Variants in PLEKHM1 observed in about 807,000 individuals in gnomAD.
PLEKHM1 encodes the protein pleckstrin homology domain-containing family M member 1.
In PLEKHM1, 28 loss-of-function variants were observed where a neutral mutation model predicts 94.3. The ratio of observed to expected loss-of-function variants is 0.30; its 90% confidence interval spans 0.22 to 0.41. The LOEUF (loss-of-function observed/expected upper bound fraction) is 0.41. PLEKHM1 is among the 10% of genes least tolerant of loss of function. The pLI is 1.00. For missense variants in PLEKHM1, 907 were observed against 1,358.6 expected (o/e 0.67, Z 5.22); for synonymous variants, 424 against 581.2 (o/e 0.73, Z 3.89).
Position 45,439,515 on chromosome 17 carries a change from G to A in PLEKHM1, c.3021C>T (p.His1007=), listed in dbSNP as rs200462947. 34 of 1,614,130 alleles carry A rather than the reference G, an allele frequency of 2.1e-5. No individual in the cohort carries two copies. The highest frequency in any genetic ancestry group is 2.7e-5 in the African/African-American group (2 of 74,950). ...CAAACTCAAAGGGGAAGATGATGTCGTGGTGCTGGCAGATCTGGCAGATGA... is the reference window on the plus strand; with the variant it reads ...CAAACTCAAAGGGGAAGATGATGTCATGGTGCTGGCAGATCTGGCAGATGA... ...RGFICQICQH[H]DIIFPFEFDT... Residue 1007 remains histidine, a synonymous_variant, in exon 11 of 12, where the codon CAC becomes CAT. Coordinates refer to ENST00000430334, the MANE Select transcript of PLEKHM1 (RefSeq NM_014798.3).
chr17:45,439,551 G>T lies in PLEKHM1; in HGVS notation c.2985C>A (p.Thr995=), dbSNP rs761390093. 41 of 1,614,078 alleles carry T rather than the reference G, an allele frequency of 2.5e-5. No individual in the cohort carries two copies. In the Admixed American group the frequency reaches 6.7e-4, roughly 26 times the overall value. ...SQHVYHCDLC[T]QRGFICQICQ... ...AGATCTGGCAGATGAAGCCGCGCTGGGTGCACAGGTCGCAGTGGTAGACAT... is the reference window on the plus strand; with the variant it reads ...AGATCTGGCAGATGAAGCCGCGCTGTGTGCACAGGTCGCAGTGGTAGACAT... The change falls in exon 11 of 12, where the codon ACC becomes ACA. Residue 995 remains threonine (T), a synonymous_variant. Coordinates refer to ENST00000430334, the MANE Select transcript of PLEKHM1 (RefSeq NM_014798.3).
At chr17:45,467,696 G>A (rs985514621) in intron 5 of PLEKHM1, among the ~76,000 whole-genome samples, 7 of 152,176 alleles carry the variant, frequency 4.6e-5, no homozygotes, top group African/African-American at 1.7e-4. Flanking sequence ...AGGAGGCGAA[G>A]GTGGCAGTGA....
rs2050554433 is a variant in PLEKHM1 at position 45,444,875 on chromosome 17, C to T, written c.2837+595G>A. On this transcript the variant is annotated intron_variant, in intron 9 of 11. Coordinates refer to ENST00000430334, the MANE Select transcript of PLEKHM1 (RefSeq NM_014798.3). This position sits in a 1 kb window ranked among gnomAD's most constrained non-coding sequence, Gnocchi z 5.0. ...ACGTCCTGCCTCTCACCCTCACCCC[C>T]AGATGGAGTTGCTGGCTTTCCCACC... Among the ~76,000 whole-genome samples the T allele has an allele frequency of 2.0e-5, 3 of 152,144 alleles. No individual in the cohort carries two copies. The highest frequency in any genetic ancestry group is 2.0e-4 in the Admixed American group (3 of 15,280).
intron 4 of PLEKHM1, among the ~76,000 whole-genome samples, chr17:45,474,054 A>AT: frequency 6.7e-6 from 1 of 148,272 alleles, no homozygotes; most frequent in African/African-American, 2.5e-5. Context: ...TATTTTATTT[A>AT]TTTATTTATT....
intron 4 of PLEKHM1, among the ~76,000 whole-genome samples, chr17:45,474,537 G>A (rs981911959): frequency 2.8e-4 from 43 of 152,110 alleles, no homozygotes; most frequent in African/African-American, 1.0e-3. Context: ...ACACTCTTAT[G>A]CGTTATGTTT....
In PLEKHM1 at chr17:45,479,016, CT is replaced by C. The variant is rs1348727749; in HGVS notation, c.49-870del. On this transcript the variant is annotated intron_variant, in intron 2 of 11. Coordinates refer to ENST00000430334, the MANE Select transcript of PLEKHM1 (RefSeq NM_014798.3). ...AGGATTCTCCTGAGGACAGGACTAC[CT>C]TTTTTTTTCTTTTTTTTTTTGGGAA... Among the ~76,000 whole-genome samples the C allele has an allele frequency of 6.2e-3, 64 of 10,376 alleles. 1 individual carries two copies. The highest frequency in any genetic ancestry group is 0.01 in the African/African-American group (62 of 6,004). The allele number at this position is 10,376 out of a possible 152,430, so 6.8% of individuals were successfully genotyped here.
In PLEKHM1 at chr17:45,468,204, C is replaced by T; in HGVS notation, c.1308+5G>A. On this transcript the variant is annotated splice_donor_5th_base_variant and intron_variant, in intron 5 of 11. Transcript: ENST00000430334. Reference sequence around the variant, plus strand: ...ACTGCCCCCTGAACGGCTTGCACCACTCACCGGACTGGTGGGTGAGGAAAC... The same window carrying T: ...ACTGCCCCCTGAACGGCTTGCACCATTCACCGGACTGGTGGGTGAGGAAAC... 1 of 1,612,948 alleles carries T rather than the reference C, an allele frequency of 6.2e-7. No individual in the cohort carries two copies. Among genetic ancestry groups the T allele is most frequent in the Non-Finnish European group, 8.5e-7 (1 of 1,179,844 alleles).
chr17:45,436,083 G>C lies in PLEKHM1; in HGVS notation c.*1775C>G, dbSNP rs1469396839. 2.2e-6 allele frequency: 1 copy of C among 456,586 alleles called. No homozygotes were observed. The highest frequency in any genetic ancestry group is 4.4e-6 in the Non-Finnish European group (1 of 226,988). The allele number at this position is 456,586 out of a possible 1,614,324, so 28.3% of individuals were successfully genotyped here. A position where few individuals can be genotyped will look rare whatever the true frequency, so the allele number is the denominator to read the frequency against. On this transcript the variant is annotated 3_prime_UTR_variant, in exon 12 of 12. Coordinates refer to ENST00000430334, the MANE Select transcript of PLEKHM1 (RefSeq NM_014798.3). ...TTCTGAGGGAGGGGAGGCGGGAAGA[G>C]TCAATGCATCTGAAAGCACTGGCAG... is the stretch of plus-strand genomic sequence containing the variant.
chr17:45,479,934 G>T (rs1180745370), intron 2 of PLEKHM1, among the ~76,000 whole-genome samples: 1 of 152,180 alleles, frequency 6.6e-6, no homozygotes, highest in Non-Finnish European at 1.5e-5. Flanking sequence ...GATTGGAAAA[G>T]GACTGGAAGG....
rs1429335881 is a variant in PLEKHM1, at chr17:45,436,817, C to G, written c.*1041G>C. The stretch of plus-strand genomic sequence containing the variant: ...TCCACAGGGCAGTTCCCCCGCACGC[C>G]CTGCACAGCTTAGGACCAGGTCACT... On this transcript the variant is annotated 3_prime_UTR_variant, in exon 12 of 12. Coordinates refer to ENST00000430334, the MANE Select transcript of PLEKHM1 (RefSeq NM_014798.3). The G allele has an allele frequency of 6.6e-6, 3 of 454,022 alleles. No individual in the cohort carries two copies. The Admixed American group carries it at 7.0e-5, about 11-fold the overall frequency. The allele number at this position is 454,022 out of a possible 1,614,324, so 28.1% of individuals were successfully genotyped here.
In PLEKHM1 at chr17:45,468,400, C is replaced by G; in HGVS notation, c.1117G>C (p.Val373Leu). ...GGCGCCTGGGGACGCGGCTCCTGCA[C>G]GTGGACACCATCTTGAGTTCCAGAG... The part of the protein sequence containing the change: ...AASGTQDGVH[V>L]QEPRPQAPSP... The change falls in exon 5 of 12, where the codon GTG becomes CTG. Residue 373 changes from valine (V) to leucine (L), a missense_variant. This residue lies in a region of PLEKHM1 where 477 missense variants were observed against 601.5 expected (regional missense o/e 0.79). Coordinates refer to ENST00000430334, the MANE Select transcript of PLEKHM1 (RefSeq NM_014798.3). The G allele has an allele frequency of 1.9e-6, 3 of 1,614,202 alleles. No homozygotes were observed. The highest frequency in any genetic ancestry group is 1.7e-6 in the Non-Finnish European group (2 of 1,180,024).
intron 5 of PLEKHM1, among the ~76,000 whole-genome samples, chr17:45,462,565 C>T (rs1358499327): frequency 6.6e-6 from 1 of 152,082 alleles, no homozygotes; most frequent in Non-Finnish European, 1.5e-5. Flanking sequence ...CACCCCCTAG[C>T]TGGGTTAGGG....
chr17:45,487,745 A>T (rs1320619451), intron 1 of PLEKHM1: 1 of 456,098 alleles, frequency 2.2e-6, no homozygotes, highest in Admixed American at 2.3e-5. Context: ...GAAGAAAGGG[A>T]TAACCTGGTT....
intron 4 of PLEKHM1, among the ~76,000 whole-genome samples, chr17:45,471,133 C>T (rs1387488516): frequency 1.3e-5 from 2 of 151,952 alleles, no homozygotes; most frequent in East Asian, 1.9e-4. Context: ...AATGGGCAAA[C>T]GATCTGAACA....
intron 6 of PLEKHM1, among the ~76,000 whole-genome samples, chr17:45,457,331 G>A (rs1597951212): frequency 2.0e-5 from 3 of 152,022 alleles, no homozygotes; most frequent in East Asian, 3.9e-4. Flanking sequence ...AGGAGGCCGA[G>A]GCGGGGTGGA....
intron 1 of PLEKHM1, among the ~76,000 whole-genome samples, chr17:45,485,583 G>C (rs1306867542): frequency 6.6e-6 from 1 of 152,146 alleles, no homozygotes; most frequent in Non-Finnish European, 1.5e-5. Flanking sequence ...TGAGTGCTCT[G>C]GCCAAGTAAC....
chr17:45,454,557 C>T, intron 6 of PLEKHM1: 1 of 581,742 alleles, frequency 1.7e-6, no homozygotes, highest in South Asian at 2.0e-5. Flanking sequence ...GCCTTCCCTC[C>T]TGCTGCCAGG....
intron 1 of PLEKHM1, among the ~76,000 whole-genome samples, chr17:45,485,998 C>CCT: frequency 6.6e-6 from 1 of 150,908 alleles, no homozygotes; most frequent in Admixed American, 6.6e-5. Flanking sequence ...CGGCGGATCA[C>CCT]GAGGTCAGGA....
Position 45,440,448 on chromosome 17 carries a change from A to G in PLEKHM1, c.2838-222T>C. On this transcript the variant is annotated intron_variant, in intron 9 of 11. Transcript: ENST00000430334. Reference sequence around the variant, plus strand: ...TGGGCACGTTACTTAACCTCTCTGAACCTTGGGTTTCCCTCTCTGGGAAAT... The same window carrying G: ...TGGGCACGTTACTTAACCTCTCTGAGCCTTGGGTTTCCCTCTCTGGGAAAT... 7 of 613,570 alleles carry G rather than the reference A, an allele frequency of 1.1e-5. 1 individual carries two copies. In the South Asian group the frequency reaches 1.3e-4, roughly 12 times the overall value. 38.0% of individuals were successfully genotyped at this position (613,570 alleles called of 1,614,324 possible). A position where few individuals can be genotyped will look rare whatever the true frequency, so the allele number is the denominator to read the frequency against.
Sources: allele counts gnomAD v4.1 joint callset (sites outside exome capture counted in the v4.1 genomes callset), GRCh38; gene constraint gnomAD v4.1.1; regional missense constraint gnomAD v4.1.1; non-coding constraint Gnocchi (gnomAD v3.1); transcripts MANE v1.5; gene names NCBI Gene and HGNC (gene_info 2026-07-23, HGNC 2026-07-21).